NF1: variants seen among roughly 807,000 people sequenced by gnomAD.
NF1 encodes neurofibromin.
NF1 carries 122 observed loss-of-function variants against 325.7 expected under a neutral mutation model. The observed-to-expected ratio is 0.37, with a 90% CI of 0.32 to 0.44. The LOEUF is 0.44. Ranked by LOEUF, NF1 falls within the 20% of genes least tolerant of loss-of-function variation. The pLI is 1.00. For missense variants in NF1, 2,140 were observed against 3,415.4 expected (o/e 0.63, Z 9.31); for synonymous variants, 1,091 against 1,186.0 (o/e 0.92, Z 1.65).
At position 31,376,379 on chromosome 17, in the gene NF1, C is replaced by T. The variant is rs934899275; in HGVS notation, c.*2224C>T. 4 of 232,922 alleles carry T rather than the reference C, an allele frequency of 1.7e-5. No individual in the cohort carries two copies. Among genetic ancestry groups the T allele is most frequent in the Non-Finnish European group, 2.5e-5 (3 of 117,842 alleles). The allele number at this position is 232,922 out of a possible 1,614,324, so 14.4% of individuals were successfully genotyped here. A position where few individuals can be genotyped will look rare whatever the true frequency, so the allele number is the denominator to read the frequency against. ...CGGGTTTACCAAGGGTGTAGTATTT[C>T]ATACCGCCTGAAATGATCAGCATTG... On this transcript the variant is annotated 3_prime_UTR_variant, in exon 58 of 58. Transcript: ENST00000358273.
intron 27 of NF1, among the ~76,000 whole-genome samples, chr17:31,233,454 C>G (rs1416256075): frequency 6.6e-6 from 1 of 152,156 alleles, no homozygotes; most frequent in African/African-American, 2.4e-5. Context: ...AATCACTGAT[C>G]TACTCTGGTG....
Position 31,138,956 on chromosome 17 carries a change from A to T in NF1, c.61-17027A>T, listed in dbSNP as rs537670247. On this transcript the variant is annotated intron_variant, in intron 1 of 57. Coordinates refer to ENST00000358273, the MANE Select transcript of NF1 (RefSeq NM_001042492.3). ...ATTCTTCATTATCTTTTTTCTCAAA[A>T]TTAATTGTGTGTACTTGGTTCTTTT... is the stretch of plus-strand genomic sequence containing the variant. 2.0e-5 allele frequency among the ~76,000 whole-genome samples: 3 copies of T among 152,028 alleles called. No individual in the cohort carries two copies. The South Asian group carries it at 6.2e-4, about 32-fold the overall frequency.
intron 5 of NF1, among the ~76,000 whole-genome samples, chr17:31,172,294 C>T (rs1023268747): frequency 2.6e-5 from 4 of 152,030 alleles, no homozygotes; most frequent in Non-Finnish European, 5.9e-5. Context: ...TGTGCCACTG[C>T]ATTCCAGCCT....
chr17:31,135,824 G>C (rs1322915641), intron 1 of NF1, among the ~76,000 whole-genome samples: 1 of 151,672 alleles, frequency 6.6e-6, no homozygotes, highest in African/African-American at 2.4e-5. Context: ...CGATCCACCT[G>C]CCTCAGCTTC....
intron 36 of NF1, chr17:31,318,292 AT>A: frequency 6.3e-7 from 1 of 1,589,194 alleles, no homozygotes; most frequent in African/African-American, 1.4e-5. Flanking sequence ...GCTACTTTGC[AT>A]TTTTCTTCAC....
intron 36 of NF1, among the ~76,000 whole-genome samples, chr17:31,298,009 A>T (rs2151501870): frequency 6.6e-6 from 1 of 152,180 alleles, no homozygotes; most frequent in Middle Eastern, 3.4e-3. Context: ...TTTTTTCTTT[A>T]TGCAACCTTG....
At chr17:31,239,620 T>C (rs114334110) in intron 29 of NF1, among the ~76,000 whole-genome samples, 2,466 of 152,258 alleles carry the variant, frequency 0.016, 82 homozygotes, top group African/African-American at 0.056. Context: ...GCTAGATCTT[T>C]TTATTTTTTA....
At chr17:31,126,187 T>TA (rs985315141) in intron 1 of NF1, among the ~76,000 whole-genome samples, 121 of 150,300 alleles carry the variant, frequency 8.1e-4, no homozygotes, top group African/African-American at 2.5e-3. Flanking sequence ...ACACTTCGTC[T>TA]AAAAAAAAAG....
intron 36 of NF1, among the ~76,000 whole-genome samples, chr17:31,291,561 G>T (rs1000192774): frequency 1.4e-4 from 22 of 152,042 alleles, no homozygotes; most frequent in Admixed American, 1.2e-3. Context: ...CAAGATGTTG[G>T]GTGGTAGTGT....
At chr17:31,146,806 T>C (rs1443682134) in intron 1 of NF1, among the ~76,000 whole-genome samples, 2 of 152,178 alleles carry the variant, frequency 1.3e-5, no homozygotes, top group Admixed American at 1.3e-4. Context: ...GGCTGATGTG[T>C]CCAGGCCTTC....
At chr17:31,193,432 C>T (rs1331866733) in intron 8 of NF1, among the ~76,000 whole-genome samples, 4 of 152,184 alleles carry the variant, frequency 2.6e-5, no homozygotes, top group Admixed American at 6.5e-5. Flanking sequence ...CCTCAGCCTT[C>T]AGATAGCTGC....
chr17:31,264,246 A>T (rs1280796239), intron 35 of NF1, among the ~76,000 whole-genome samples: 2 of 151,732 alleles, frequency 1.3e-5, no homozygotes, highest in Non-Finnish European at 2.9e-5. Context: ...TAAATAAATA[A>T]ATATATATAT....
chr17:31,325,928 C>T lies in NF1; in HGVS notation c.4944C>T (p.Thr1648=), dbSNP rs759291615. The change falls in exon 37 of 58, where the codon ACC becomes ACT. Residue 1648 remains threonine (T), a synonymous_variant. Transcript: ENST00000358273. ...PYEIVVDLTH[T]GPSNRFKTDF... ...AAATTGTAGTGGACCTTACCCATACCGGGCCTAGCAATCGCTTTAAAACAG... is the reference window on the plus strand; with the variant it reads ...AAATTGTAGTGGACCTTACCCATACTGGGCCTAGCAATCGCTTTAAAACAG... The T allele has an allele frequency of 9.3e-6, 15 of 1,614,008 alleles. No individual in the cohort carries two copies. The highest frequency in any genetic ancestry group is 1.6e-4 in the Middle Eastern group (1 of 6,084).
chr17:31,194,122 A>C (rs1053255843), intron 8 of NF1, among the ~76,000 whole-genome samples: 1 of 152,238 alleles, frequency 6.6e-6, no homozygotes, highest in African/African-American at 2.4e-5. Flanking sequence ...AATAGCCAAG[A>C]TATGGAATCA....
chr17:31,309,728 A>G (rs1189669113), intron 36 of NF1, among the ~76,000 whole-genome samples: 3 of 152,184 alleles, frequency 2.0e-5, no homozygotes, highest in Non-Finnish European at 4.4e-5. Context: ...CCCAAACAGG[A>G]ACATAATTTT....
At chr17:31,107,125 A>G (rs941921567) in intron 1 of NF1, among the ~76,000 whole-genome samples, 2 of 151,476 alleles carry the variant, frequency 1.3e-5, no homozygotes, top group African/African-American at 4.9e-5. Context: ...ATTTTTTTCT[A>G]TCCTCCTGTC....
intron 36 of NF1, among the ~76,000 whole-genome samples, chr17:31,315,997 A>C (rs1269374150): frequency 1.3e-5 from 2 of 152,080 alleles, no homozygotes; most frequent in African/African-American, 2.4e-5. Flanking sequence ...CCTGACCTCA[A>C]GCAATCCTCC....
rs556460654 is a variant in NF1, at chr17:31,105,261, G to C, written c.60+9892G>C. The stretch of plus-strand genomic sequence containing the variant: ...AGCTTCTGTTGAGACAAAGCCTCAA[G>C]CTAGTGTGGAGTTCATCCTACTAAA... On this transcript the variant is annotated intron_variant, in intron 1 of 57. Coordinates refer to ENST00000358273, the MANE Select transcript of NF1 (RefSeq NM_001042492.3). Among the ~76,000 whole-genome samples the C allele has an allele frequency of 3.3e-5, 5 of 152,278 alleles. No individual in the cohort carries two copies. In the South Asian group the frequency reaches 1.0e-3, roughly 32 times the overall value.
rs528327790 is a variant in NF1 at position 31,225,566 on chromosome 17, A to G, written c.2001+316A>G. 1.4e-4 allele frequency among the ~76,000 whole-genome samples: 22 copies of G among 152,320 alleles called. No homozygotes were observed. In the South Asian group the frequency reaches 3.3e-3, roughly 23 times the overall value. On this transcript the variant is annotated intron_variant, in intron 17 of 57. Coordinates refer to ENST00000358273, the MANE Select transcript of NF1 (RefSeq NM_001042492.3). Reference sequence around the variant, plus strand: ...TATAATTATTATAAACCTCCACTCCATAAAAAACCCATTCATACCACAGAA... The same window carrying G: ...TATAATTATTATAAACCTCCACTCCGTAAAAAACCCATTCATACCACAGAA...
Sources: gnomAD v4.1 joint callset for allele counts (sites outside exome capture counted in the v4.1 genomes callset) on GRCh38, gnomAD v4.1.1 for gene constraint, MANE v1.5 for transcripts, NCBI Gene and HGNC (gene_info 2026-07-23, HGNC 2026-07-21) for gene names.